The following TEAD1 variants were observed in gnomAD, a reference collection of about 807,000 sequenced individuals.
TEAD1 encodes transcriptional enhancer factor TEF-1.
Under a neutral mutation model 54.9 loss-of-function variants are expected in TEAD1, and 9 were observed. The ratio of observed to expected loss-of-function variants is 0.16; its 90% confidence interval spans 0.10 to 0.29. TEAD1 has a LOEUF of 0.29. Ranked by LOEUF, TEAD1 falls within the 10% of genes least tolerant of loss-of-function variation. The pLI is 1.00. For missense variants in TEAD1, 387 were observed against 535.9 expected (o/e 0.72, Z 2.74); for synonymous variants, 200 against 187.8 (o/e 1.07, Z -0.53).
chr11:12,694,115 C>T (rs1943525138), intron 2 of TEAD1, among the ~76,000 whole-genome samples: 1 of 152,206 alleles, frequency 6.6e-6, no homozygotes, highest in Non-Finnish European at 1.5e-5. Flanking sequence ...CAGGCTGAGT[C>T]CGGGGAAGTG....
intron 2 of TEAD1, among the ~76,000 whole-genome samples, chr11:12,717,506 C>G (rs4501964): frequency 0.095 from 14,429 of 152,266 alleles, 946 homozygotes; most frequent in Non-Finnish European, 0.14. Context: ...AGCATTCATT[C>G]TTGCCGCATG....
intron 3 of TEAD1, among the ~76,000 whole-genome samples, chr11:12,802,748 T>C (rs549630056): frequency 6.6e-6 from 1 of 152,344 alleles, no homozygotes; most frequent in East Asian, 1.9e-4. Flanking sequence ...ATGTGCCGAT[T>C]GCGCAAGGCT....
In TEAD1 at chr11:12,862,342, A is replaced by G. The variant is rs779599195; in HGVS notation, c.267+28A>G. ...AAAATAACCCACCTGGAAATTGTGC[A>G]TGTCAGCGAATGGCCCAAAAAGGCA... On this transcript the variant is annotated intron_variant, in intron 4 of 12. Coordinates refer to ENST00000527636, the MANE Select transcript of TEAD1 (RefSeq NM_021961.6). The G allele has an allele frequency of 4.4e-6, 7 of 1,608,142 alleles. No individual in the cohort carries two copies. The South Asian group carries it at 5.5e-5, about 13-fold the overall frequency.
At chr11:12,888,799 G>A (rs901700895) in intron 9 of TEAD1, among the ~76,000 whole-genome samples, 1 of 152,244 alleles carries the variant, frequency 6.6e-6, no homozygotes. Context: ...CAGCTGACAT[G>A]GGAAGTAGGA....
At chr11:12,680,462 GT>G (rs1379630706) in intron 2 of TEAD1, among the ~76,000 whole-genome samples, 2 of 152,226 alleles carry the variant, frequency 1.3e-5, no homozygotes, top group Non-Finnish European at 2.9e-5. Context: ...GGAGCCAAGT[GT>G]TTTAAATAGC....
chr11:12,793,512 T>C (rs1422972653), intron 3 of TEAD1, among the ~76,000 whole-genome samples: 1 of 152,196 alleles, frequency 6.6e-6, no homozygotes, highest in Non-Finnish European at 1.5e-5. Context: ...TTATGTACTG[T>C]GTTTCTTTCA....
intron 9 of TEAD1, among the ~76,000 whole-genome samples, chr11:12,885,648 A>C (rs1948072254): frequency 6.6e-6 from 1 of 152,128 alleles, no homozygotes; most frequent in African/African-American, 2.4e-5. Flanking sequence ...TCCCCACATG[A>C]TTTTTGCTTC....
intron 2 of TEAD1, among the ~76,000 whole-genome samples, chr11:12,713,758 A>G (rs1277655870): frequency 2.0e-5 from 3 of 152,210 alleles, no homozygotes; most frequent in Non-Finnish European, 4.4e-5. Flanking sequence ...GTGACCTCAT[A>G]GGACCTGGTT....
intron 3 of TEAD1, among the ~76,000 whole-genome samples, chr11:12,857,678 G>A (rs1253475252): frequency 6.6e-6 from 1 of 151,300 alleles, no homozygotes; most frequent in African/African-American, 2.4e-5. Context: ...AGTTACATCA[G>A]TGATGGTGCT....
intron 3 of TEAD1, among the ~76,000 whole-genome samples, chr11:12,846,323 A>T (rs1174828961): frequency 6.6e-6 from 1 of 152,070 alleles, no homozygotes; most frequent in Non-Finnish European, 1.5e-5. Context: ...AAAGGCTTAA[A>T]ATAGATTCAC....
chr11:12,912,922 C>T (rs1337683423), intron 10 of TEAD1, among the ~76,000 whole-genome samples: 1 of 151,982 alleles, frequency 6.6e-6, no homozygotes, highest in African/African-American at 2.4e-5. Context: ...GGGTCTGTCC[C>T]TTCCTTCTGG....
At chr11:12,802,922 G>A (rs1425807308) in intron 3 of TEAD1, among the ~76,000 whole-genome samples, 1 of 152,118 alleles carries the variant, frequency 6.6e-6, no homozygotes, top group Non-Finnish European at 1.5e-5. Context: ...TACCTGAAGG[G>A]CTTTTCACTG....
At chr11:12,862,004 TTTA>T (rs1461771860) in intron 3 of TEAD1, among the ~76,000 whole-genome samples, 23 of 140,986 alleles carry the variant, frequency 1.6e-4, no homozygotes, top group African/African-American at 5.8e-4. Context: ...TTTTTTTTTT[TTTA>T]AAAAAAAGGA....
intron 10 of TEAD1, among the ~76,000 whole-genome samples, chr11:12,914,468 G>A (rs1480256413): frequency 1.3e-5 from 2 of 152,180 alleles, no homozygotes; most frequent in Non-Finnish European, 2.9e-5. Context: ...CATAAGGGCC[G>A]AAGTGAACAC....
chr11:12,931,788 T>A (rs918644699), intron 12 of TEAD1, among the ~76,000 whole-genome samples: 6 of 150,428 alleles, frequency 4.0e-5, no homozygotes, highest in Non-Finnish European at 8.9e-5. Flanking sequence ...TAAAAAAAAA[T>A]AAGTAACATT....
chr11:12,816,922 A>G (rs2133996679), intron 3 of TEAD1, among the ~76,000 whole-genome samples: 1 of 152,302 alleles, frequency 6.6e-6, no homozygotes, highest in African/African-American at 2.4e-5. Context: ...TCTGGCCATC[A>G]GGGCAGCATG....
intron 10 of TEAD1, 148 bp from the exon 11 acceptor site, chr11:12,924,764 G>A (rs1298141565): frequency 5.5e-6 from 5 of 910,684 alleles, no homozygotes; most frequent in Admixed American, 1.7e-5. Flanking sequence ...CGACAGATGG[G>A]TATTGAACTT....
At chr11:12,853,543 G>A (rs185560456) in intron 3 of TEAD1, among the ~76,000 whole-genome samples, 7 of 152,250 alleles carry the variant, frequency 4.6e-5, no homozygotes, top group African/African-American at 1.7e-4. Context: ...ATTATGTGGC[G>A]TATCTTTATT....
intron 5 of TEAD1, among the ~76,000 whole-genome samples, chr11:12,878,695 G>A (rs560304919): frequency 1.9e-4 from 29 of 151,938 alleles, no homozygotes; most frequent in Admixed American, 1.9e-3. Flanking sequence ...ATAGCCATCT[G>A]GATCACCTTT....
Sources: allele counts gnomAD v4.1 joint callset (sites outside exome capture counted in the v4.1 genomes callset), GRCh38; gene constraint gnomAD v4.1.1; transcripts MANE v1.5; gene names NCBI Gene and HGNC (gene_info 2026-07-23, HGNC 2026-07-21).